The following SMG1 variants were observed in gnomAD, a reference collection of about 807,000 sequenced individuals.
SMG1 encodes serine/threonine-protein kinase SMG1.
Under a neutral mutation model 419.9 loss-of-function variants are expected in SMG1, and 22 were observed. The ratio of observed to expected loss-of-function variants is 0.05; its 90% CI spans 0.04 to 0.07. SMG1 has a LOEUF of 0.07. SMG1 is among the 10% of genes least tolerant of loss of function. The pLI, the probability that SMG1 is intolerant of heterozygous loss-of-function variation, is 1.00. For missense variants in SMG1, 3,185 were observed against 4,342.0 expected (o/e 0.73, Z 7.49); for synonymous variants, 1,538 against 1,553.5 (o/e 0.99, Z 0.23).
intron 39 of SMG1, among the ~76,000 whole-genome samples, chr16:18,842,924 G>C (rs979379598): frequency 1.3e-5 from 2 of 152,224 alleles, no homozygotes; most frequent in Non-Finnish European, 2.9e-5. Context: ...GGCCATCCTG[G>C]ATGGGTTAAC....
chr16:18,873,300 C>A (rs2035924580), intron 13 of SMG1, among the ~76,000 whole-genome samples: 1 of 152,160 alleles, frequency 6.6e-6, no homozygotes, highest in African/African-American at 2.4e-5. Context: ...CTCACTGCAA[C>A]CTCCACCTCC....
Position 18,829,696 on chromosome 16 carries a change from T to C in SMG1, c.9193A>G (p.Lys3065Glu), listed in dbSNP as rs1264382905. 1.5e-5 allele frequency: 24 copies of C among 1,613,848 alleles called. No homozygotes were observed. Among genetic ancestry groups the C allele is most frequent in the Non-Finnish European group, 1.9e-5 (22 of 1,179,902 alleles). Reference sequence around the variant, plus strand: ...AAACAAGAGTTTCTAAAAAGGGTTTTCACATTGACAATCTGTACAGGCCCA... The same window carrying C: ...AAACAAGAGTTTCTAAAAAGGGTTTCCACATTGACAATCTGTACAGGCCCA... ...VNGPVQIVNVKTLFRNSCFSE... is the reference protein window; with the variant it reads ...VNGPVQIVNVETLFRNSCFSE... Residue 3065 changes from lysine (K) to glutamate (E), a missense_variant, in exon 54 of 63, where the codon AAA becomes GAA. By Grantham distance (56) the Lys-to-Glu change is moderately conservative. Coordinates refer to ENST00000446231, the MANE Select transcript of SMG1 (RefSeq NM_015092.5).
At position 18,807,983 on chromosome 16, in the gene SMG1, G is replaced by C. The variant is rs903590644; in HGVS notation, c.*1586C>G. 6.6e-6 allele frequency: 1 copy of C among 152,190 alleles called. No individual in the cohort carries two copies. The allele number at this position is 152,190 out of a possible 1,614,324, so 9.4% of individuals were successfully genotyped here. A position where few individuals can be genotyped will look rare whatever the true frequency, so the allele number is the denominator to read the frequency against. On this transcript the variant is annotated 3_prime_UTR_variant, in exon 63 of 63. Transcript: ENST00000446231. The stretch of plus-strand genomic sequence containing the variant: ...TCACCGTGTTAGCCAGGATGGTCTC[G>C]CTCTCCTAACCTCATGATCCGCCCG...
chr16:18,827,543 TA>T (rs968044476), intron 55 of SMG1, among the ~76,000 whole-genome samples: 28 of 145,686 alleles, frequency 1.9e-4, no homozygotes, highest in South Asian at 6.3e-4. Flanking sequence ...TACCAAAATA[TA>T]TTTTTTTATA....
intron 1 of SMG1, among the ~76,000 whole-genome samples, chr16:18,909,296 G>C (rs1490744027): frequency 6.6e-6 from 1 of 151,830 alleles, no homozygotes; most frequent in Admixed American, 6.6e-5. Context: ...GAGCTGAGAC[G>C]GCGTCATTGC....
At chr16:18,843,000 G>A (rs1228237602) in intron 39 of SMG1, among the ~76,000 whole-genome samples, 2 of 152,188 alleles carry the variant, frequency 1.3e-5, no homozygotes, top group Non-Finnish European at 1.5e-5. Flanking sequence ...GTCCAAACAT[G>A]CAGTGAAATC....
At position 18,909,102 on chromosome 16, in the gene SMG1, G is replaced by C. The variant is rs1412300867; in HGVS notation, c.93-12146C>G. On this transcript the variant is annotated intron_variant, in intron 1 of 62. Transcript: ENST00000446231. Reference sequence around the variant, plus strand: ...TCACACCTGTAATCCCAGCACTTTAGGAGGCCGAGGCAGGTGGATCACTTG... The same window carrying C: ...TCACACCTGTAATCCCAGCACTTTACGAGGCCGAGGCAGGTGGATCACTTG... 2.0e-5 allele frequency among the ~76,000 whole-genome samples: 3 copies of C among 151,056 alleles called. No homozygotes were observed. The East Asian group carries it at 5.8e-4, about 29-fold the overall frequency.
Position 18,844,948 on chromosome 16 carries a change from A to G in SMG1, c.6219+481T>C, listed in dbSNP as rs115651153. ...TAAGGATTCTCAAATATGTGAATAC[A>G]CTAATCATCCCACGCAGCATATGTG... On this transcript the variant is annotated intron_variant, in intron 39 of 62. Transcript: ENST00000446231. 4.5e-3 allele frequency among the ~76,000 whole-genome samples: 683 copies of G among 152,368 alleles called. 5 individuals carry two copies. Among genetic ancestry groups the G allele is most frequent in the African/African-American group, 0.016 (653 of 41,592 alleles).
intron 54 of SMG1, among the ~76,000 whole-genome samples, chr16:18,828,537 T>C (rs1319609618): frequency 6.6e-6 from 1 of 152,156 alleles, no homozygotes; most frequent in East Asian, 1.9e-4. Context: ...CTGTTATACA[T>C]CCCCTAAGTA....
Position 18,811,967 on chromosome 16 carries a change from T to C in SMG1, c.10782A>G (p.Arg3594=), listed in dbSNP as rs755972006. 14 of 1,613,790 alleles carry C rather than the reference T, an allele frequency of 8.7e-6. No individual in the cohort carries two copies. In the African/African-American group the frequency reaches 1.7e-4, roughly 20 times the overall value. ...SVACSPKKAV[R]DPKTGKAVQE... is the part of the protein sequence containing the mutation. Reference sequence around the variant, plus strand: ...AATTACCTTTCCCAGTTTTAGGGTCTCTGACTGCCTTTTTAGGACTACAAG... The same window carrying C: ...AATTACCTTTCCCAGTTTTAGGGTCCCTGACTGCCTTTTTAGGACTACAAG... Residue 3594 remains arginine (R), a synonymous_variant, in exon 61 of 63, where the codon AGA becomes AGG. Transcript: ENST00000446231.
intron 38 of SMG1, 69 bp downstream of exon 38, chr16:18,847,384 T>G: frequency 6.5e-7 from 1 of 1,545,156 alleles, no homozygotes; most frequent in African/African-American, 1.4e-5. Context: ...AATAGTAAAT[T>G]TTATGTTATT....
chr16:18,898,075 T>C (rs1352751489), intron 1 of SMG1, among the ~76,000 whole-genome samples: 8 of 152,224 alleles, frequency 5.3e-5, no homozygotes, highest in Non-Finnish European at 1.0e-4. Context: ...GTTTGTATAC[T>C]GTATATATTT....
chr16:18,834,807 G>T, intron 49 of SMG1, 85 bp downstream of exon 49: 1 of 1,428,720 alleles, frequency 7.0e-7, no homozygotes, highest in Non-Finnish European at 9.6e-7. Flanking sequence ...CACTTGGCAA[G>T]ACTAAGGAAA....
chr16:18,842,786 C>T lies in SMG1; in HGVS notation c.6220-332G>A, dbSNP rs190481224. Among the ~76,000 whole-genome samples the T allele has an allele frequency of 1.4e-3, 208 of 152,266 alleles. 1 individual carries two copies. Among genetic ancestry groups the T allele is most frequent in the Non-Finnish European group, 2.3e-3 (158 of 68,018 alleles). On this transcript the variant is annotated intron_variant, in intron 39 of 62. Transcript: ENST00000446231. ...CAGAGGTTGCAGAGAGCCGAGATTA[C>T]GCCACTACATGCCAGCCTGTGTGAG...
At position 18,849,069 on chromosome 16, in the gene SMG1, CAAAAAAAAAAAAAAAAAAAAAAA is replaced by C. The variant is rs58373081; in HGVS notation, c.5623+125_5623+147del. 305 of 114,018 alleles carry C rather than the reference CAAAAAAAAAAAAAAAAAAAAAAA, an allele frequency of 2.7e-3. 1 individual carries two copies. Among genetic ancestry groups the C allele is most frequent in the Middle Eastern group, 8.1e-3 (2 of 246 alleles). 7.1% of individuals were successfully genotyped at this position (114,018 alleles called of 1,614,324 possible). ...TGGGTGACAGAGTGAGACTCCATCTCAAAAAAAAAAAAAAAAAAAAAAAAAAAAAAAAAAAAACCCTACAAACT... is the reference window on the plus strand; with the variant it reads ...TGGGTGACAGAGTGAGACTCCATCTCAAAAAAAAAAAAAACCCTACAAACT... On this transcript the variant is annotated intron_variant, in intron 36 of 62. Coordinates refer to ENST00000446231, the MANE Select transcript of SMG1 (RefSeq NM_015092.5).
intron 29 of SMG1, chr16:18,856,382 G>A (rs532282810): frequency 7.0e-6 from 1 of 143,682 alleles, no homozygotes; most frequent in South Asian, 2.2e-4. Context: ...TGTTGCCCAG[G>A]CTGGAGTGCA....
intron 10 of SMG1, among the ~76,000 whole-genome samples, 177 bp from the exon 11 acceptor site, chr16:18,879,896 T>TAA (rs1229389692): frequency 1.3e-5 from 2 of 152,254 alleles, no homozygotes; most frequent in Non-Finnish European, 2.9e-5. Flanking sequence ...GTACAGTATG[T>TAA]AAACATGATC....
At position 18,836,492 on chromosome 16, in the gene SMG1, C is replaced by T; in HGVS notation, c.7645G>A (p.Val2549Ile). The T allele has an allele frequency of 6.2e-7, 1 of 1,614,052 alleles. No individual in the cohort carries two copies. The highest frequency in any genetic ancestry group is 8.5e-7 in the Non-Finnish European group (1 of 1,179,906). Reference sequence around the variant, plus strand: ...AGCTTCACCTGGATTGCTTCCTGAACAGCTCTTTGCTGAGTCTGTAGTTGG... The same window carrying T: ...AGCTTCACCTGGATTGCTTCCTGAATAGCTCTTTGCTGAGTCTGTAGTTGG... ...HTQLQTQQRA[V>I]QEAIQVKLNE... Residue 2549 changes from valine (V) to isoleucine (I), a missense_variant, in exon 47 of 63, where the codon GTT (valine) becomes ATT (isoleucine). Around this residue, in one of 27 missense-constraint regions of SMG1, gnomAD observed 412 missense variants for 546.6 expected, o/e 0.75. Coordinates refer to ENST00000446231, the MANE Select transcript of SMG1 (RefSeq NM_015092.5).
intron 6 of SMG1, among the ~76,000 whole-genome samples, chr16:18,888,100 A>AGTT (rs1003128151): frequency 1.4e-5 from 2 of 142,928 alleles, no homozygotes; most frequent in Non-Finnish European, 3.0e-5. Flanking sequence ...GGGAGGCAGA[A>AGTT]GTTGCAGTGA....
Sources: gnomAD v4.1 joint callset for allele counts (sites outside exome capture counted in the v4.1 genomes callset) on GRCh38, gnomAD v4.1.1 for gene constraint, gnomAD v4.1.1 regional missense constraint, MANE v1.5 for transcripts, NCBI Gene and HGNC (gene_info 2026-07-23, HGNC 2026-07-21) for gene names.